LRRC57: variants seen among roughly 807,000 people sequenced by gnomAD.
LRRC57 encodes leucine-rich repeat-containing protein 57.
In LRRC57, 14 loss-of-function variants were observed where a neutral mutation model predicts 23.1. The ratio of observed to expected loss-of-function variants is 0.61; its 90% CI spans 0.40 to 0.95. The LOEUF (loss-of-function observed/expected upper bound fraction) is 0.95. LRRC57 is among the 40% of genes least tolerant of loss of function. The pLI is 0.00. For synonymous variants in LRRC57, 106 were observed against 115.2 expected, an observed-to-expected ratio of 0.92 and a Z score of 0.51; for missense variants, 236 against 284.4, an observed-to-expected ratio of 0.83 and a Z score of 1.22.
rs1358279383 is a variant in LRRC57 at position 42,542,585 on chromosome 15, G to T, written c.*1498C>A. 6.6e-6 allele frequency: 1 copy of T among 152,446 alleles called. No homozygotes were observed. The highest frequency in any genetic ancestry group is 2.4e-5 in the African/African-American group (1 of 41,380). The allele number at this position is 152,446 out of a possible 1,614,324, so 9.4% of individuals were successfully genotyped here. On this transcript the variant is annotated 3_prime_UTR_variant, in exon 6 of 6. Coordinates refer to ENST00000397130, the MANE Select transcript of LRRC57 (RefSeq NM_153260.3). ...CAGAGAGTAAGCTTGATAAACATAGGTTGTTTTAAAATATTATAGTAATGG... is the reference window on the plus strand; with the variant it reads ...CAGAGAGTAAGCTTGATAAACATAGTTTGTTTTAAAATATTATAGTAATGG...
At chr15:42,529,679 A>G in the LRRC57 span, 1 of 1,613,450 alleles carries the variant, frequency 6.2e-7, no homozygotes, top group Non-Finnish European at 8.5e-7. Context: ...TGATAGCATA[A>G]CTAATGATGC....
intron 3 of LRRC57, chr15:42,547,893 T>A: frequency 1.7e-6 from 1 of 575,092 alleles, no homozygotes. Context: ...AAGTCCAAAT[T>A]AACCCAGTAA....
In LRRC57 at chr15:42,541,319, C is replaced by A. The variant is rs564472692; in HGVS notation, c.*2764G>T. ...AGGAGTTCAAGACCAGTCTGGCCAA[C>A]ACGGTGAAACCCTGTCTCTACTAAA... On this transcript the variant is annotated 3_prime_UTR_variant, in exon 6 of 6. Coordinates refer to ENST00000397130, the MANE Select transcript of LRRC57 (RefSeq NM_153260.3). 6.6e-6 allele frequency: 1 copy of A among 152,098 alleles called. No individual in the cohort carries two copies. The highest frequency in any genetic ancestry group is 1.5e-5 in the Non-Finnish European group (1 of 68,020). The allele number at this position is 152,098 out of a possible 1,614,324, so 9.4% of individuals were successfully genotyped here. A position where few individuals can be genotyped will look rare whatever the true frequency, so the allele number is the denominator to read the frequency against.
intron 4 of LRRC57, among the ~76,000 whole-genome samples, chr15:42,546,090 C>A (rs1010336971): frequency 1.3e-5 from 2 of 152,294 alleles, no homozygotes; most frequent in South Asian, 2.1e-4. Flanking sequence ...TTGACTCACC[C>A]CTTTTGCCAT....
chr15:42,540,216 T>TTCCCAAC lies in LRRC57; in HGVS notation c.*3860_*3866dup, dbSNP rs1451456315. The TTCCCAAC allele has an allele frequency of 6.8e-6, 1 of 148,002 alleles. No individual in the cohort carries two copies. Among genetic ancestry groups the TTCCCAAC allele is most frequent in the African/African-American group, 2.5e-5 (1 of 40,186 alleles). The allele number at this position is 148,002 out of a possible 1,614,324, so 9.2% of individuals were successfully genotyped here. A position where few individuals can be genotyped will look rare whatever the true frequency, so the allele number is the denominator to read the frequency against. ...ACCAAAAAAAAAAAAAAAAAGGGCA[T>TTCCCAAC]TCCCAACTGAGTGAACAATACAGTT... On this transcript the variant is annotated 3_prime_UTR_variant, in exon 6 of 6. Transcript: ENST00000397130.
downstream of LRRC57, among the ~76,000 whole-genome samples, chr15:42,537,233 TCACA>T (rs71108166): frequency 0.089 from 12,175 of 136,520 alleles, 641 homozygotes; most frequent in Admixed American, 0.12. Context: ...TCTCTCTCTC[TCACA>T]CACACACACA....
chr15:42,548,681 C>A lies in LRRC57; in HGVS notation c.-23+12G>T. 1 of 622,008 alleles carries A rather than the reference C, an allele frequency of 1.6e-6. No homozygotes were observed. The highest frequency in any genetic ancestry group is 2.0e-5 in the South Asian group (1 of 50,402). 38.5% of individuals were successfully genotyped at this position (622,008 alleles called of 1,614,324 possible). On this transcript the variant is annotated intron_variant, in intron 1 of 5. Transcript: ENST00000397130. ...TGGGAGCCTACGGAAGATCAGGGAG[C>A]CCCGGACTCGCCTCCCACCGCTCAG...
Position 42,541,049 on chromosome 15 carries a change from G to A in LRRC57, c.*3034C>T, listed in dbSNP as rs1225351811. On this transcript the variant is annotated 3_prime_UTR_variant, in exon 6 of 6. Coordinates refer to ENST00000397130, the MANE Select transcript of LRRC57 (RefSeq NM_153260.3). Reference sequence around the variant, plus strand: ...TCCGTCTCAGAAAAAAAAAAAAAATGTATAAGTTCTGATTTATTAGATGAG... The same window carrying A: ...TCCGTCTCAGAAAAAAAAAAAAAATATATAAGTTCTGATTTATTAGATGAG... 6.6e-6 allele frequency: 1 copy of A among 151,434 alleles called. No individual in the cohort carries two copies. The highest frequency in any genetic ancestry group is 1.5e-5 in the Non-Finnish European group (1 of 67,822). 9.4% of individuals were successfully genotyped at this position (151,434 alleles called of 1,614,324 possible).
the LRRC57 span, chr15:42,529,694 G>T: frequency 6.2e-7 from 1 of 1,614,034 alleles, no homozygotes; most frequent in Non-Finnish European, 8.5e-7. Context: ...TGATGCCAGA[G>T]AAGATGAAAT....
downstream of LRRC57, among the ~76,000 whole-genome samples, chr15:42,533,655 C>T (rs1470938397): frequency 6.6e-6 from 1 of 152,184 alleles, no homozygotes; most frequent in African/African-American, 2.4e-5. Flanking sequence ...GAAGCATGGG[C>T]TGAGGCATTA....
chr15:42,547,187 A>G, intron 4 of LRRC57, 74 bp downstream of exon 4: 2 of 1,487,522 alleles, frequency 1.3e-6, no homozygotes, highest in Non-Finnish European at 1.8e-6. Context: ...TTTAGGAAAC[A>G]AGAGGTTAAC....
chr15:42,544,773 C>T (rs1184679556), intron 5 of LRRC57, among the ~76,000 whole-genome samples: 4 of 147,586 alleles, frequency 2.7e-5, no homozygotes, highest in Admixed American at 6.8e-5. Context: ...GCTGAGATTG[C>T]GCCACTGCAC....
At chr15:42,548,538 C>T in intron 1 of LRRC57, 82 bp from the exon 2 acceptor site, 2 of 1,109,040 alleles carry the variant, frequency 1.8e-6, no homozygotes, top group South Asian at 1.4e-5. Flanking sequence ...GCTCTCAACT[C>T]CCGCCGATCC....
chr15:42,531,541 CT>C, the LRRC57 span: 1 of 1,309,576 alleles, frequency 7.6e-7, no homozygotes, highest in Non-Finnish European at 1.1e-6. Flanking sequence ...AAGTTATTAC[CT>C]TTTCAGAGTT....
At chr15:42,544,717 G>A (rs1453458249) in intron 5 of LRRC57, among the ~76,000 whole-genome samples, 1 of 151,286 alleles carries the variant, frequency 6.6e-6, no homozygotes, top group Non-Finnish European at 1.5e-5. Context: ...GGGGGGCTGA[G>A]GGATGAGAAT....
At chr15:42,545,478 A>G (rs1344960304) in intron 4 of LRRC57, 1 of 334,290 alleles carries the variant, frequency 3.0e-6, no homozygotes, top group Non-Finnish European at 5.4e-6. Flanking sequence ...GCTTTTATGA[A>G]GGTCACCCAT....
chr15:42,547,304 ACT>A lies in LRRC57; in HGVS notation c.447_448del (p.Val150GlyfsTer29). 4 of 1,614,186 alleles carry A rather than the reference ACT, an allele frequency of 2.5e-6. No individual in the cohort carries two copies. Among genetic ancestry groups the A allele is most frequent in the Non-Finnish European group, 3.4e-6 (4 of 1,180,040 alleles). On this transcript the variant is annotated frameshift_variant, in exon 4 of 6. Coordinates refer to ENST00000397130, the MANE Select transcript of LRRC57 (RefSeq NM_153260.3). LOFTEE classifies it high-confidence loss of function. ...GAGTTCGATGACTTGCAGCTCTCCC[ACT>A]GAGTCAGGTATACTTCGAATCTGGT...
the LRRC57 span, among the ~76,000 whole-genome samples, chr15:42,529,973 C>A: frequency 1.3e-5 from 2 of 152,170 alleles, no homozygotes; most frequent in African/African-American, 4.8e-5. Context: ...ACACATAAAA[C>A]AAGAGCCAAG....
At chr15:42,531,620 C>T in the LRRC57 span, 1 of 545,592 alleles carries the variant, frequency 1.8e-6, no homozygotes, top group Non-Finnish European at 3.1e-6. Flanking sequence ...CAGTTACAGC[C>T]CTCCTTCTTT....
Sources: gnomAD v4.1 joint callset for allele counts (sites outside exome capture counted in the v4.1 genomes callset) on GRCh38, gnomAD v4.1.1 for gene constraint, MANE v1.5 for transcripts, NCBI Gene and HGNC (gene_info 2026-07-23, HGNC 2026-07-21) for gene names.